The following STAG1 variants were observed in gnomAD, a reference collection of about 807,000 sequenced individuals.
The protein encoded by STAG1 is STAG1 cohesin complex component, also known as cohesin subunit SA-1.
Under a neutral mutation model 170.9 loss-of-function variants are expected in STAG1, and 26 were observed. The observed-to-expected ratio is 0.15, with a 90% CI of 0.11 to 0.21. The LOEUF (loss-of-function observed/expected upper bound fraction) is 0.21. Among genes scored for constraint, STAG1 ranks in the 10% least tolerant of loss-of-function variants. STAG1 has a pLI of 1.00. For synonymous variants in STAG1, 514 were observed against 497.7 expected (o/e 1.03, Z -0.44); for missense variants, 964 against 1,509.5 (o/e 0.64, Z 5.99).
intron 1 of STAG1, among the ~76,000 whole-genome samples, chr3:136,657,836 C>T (rs189843265): frequency 1.2e-4 from 18 of 151,928 alleles, no homozygotes; most frequent in African/African-American, 4.3e-4. Flanking sequence ...AACAAACAAA[C>T]AAAAAAGGCT....
At chr3:136,405,173 T>C (rs776424822) in intron 21 of STAG1, among the ~76,000 whole-genome samples, 1 of 149,178 alleles carries the variant, frequency 6.7e-6, no homozygotes, top group Non-Finnish European at 1.5e-5. Context: ...AAATAATCAA[T>C]ATGGCTTTCC....
At chr3:136,644,330 A>G (rs1007916146) in intron 1 of STAG1, among the ~76,000 whole-genome samples, 7 of 152,224 alleles carry the variant, frequency 4.6e-5, no homozygotes, top group South Asian at 2.1e-4. Flanking sequence ...GTGAAGTATA[A>G]AAGTATCAGA....
intron 1 of STAG1, among the ~76,000 whole-genome samples, chr3:136,731,582 G>C (rs866697990): frequency 1.3e-5 from 2 of 152,200 alleles, no homozygotes; most frequent in African/African-American, 4.8e-5. Context: ...AGCCTATCAA[G>C]TAAAGATTTC....
chr3:136,367,251 TTTAG>T (rs1490411950), intron 24 of STAG1, among the ~76,000 whole-genome samples, 169 bp from the exon 25 acceptor site: 1 of 152,176 alleles, frequency 6.6e-6, no homozygotes, highest in Non-Finnish European at 1.5e-5. Context: ...GGGTGCTGTA[TTTAG>T]TTACTCATTT....
At chr3:136,718,279 T>A (rs1399265317) in intron 1 of STAG1, among the ~76,000 whole-genome samples, 1 of 152,080 alleles carries the variant, frequency 6.6e-6, no homozygotes, top group Non-Finnish European at 1.5e-5. Flanking sequence ...CTGGAATGAG[T>A]GAATTTTGAA....
chr3:136,540,951 CTTTA>C (rs796601706), intron 6 of STAG1, among the ~76,000 whole-genome samples: 18 of 147,406 alleles, frequency 1.2e-4, no homozygotes, highest in African/African-American at 3.7e-4. Context: ...TTCACAGTGT[CTTTA>C]TTTCTGTTTT....
At chr3:136,715,162 G>T (rs1159097000) in intron 1 of STAG1, among the ~76,000 whole-genome samples, 1 of 113,664 alleles carries the variant, frequency 8.8e-6, no homozygotes, top group Non-Finnish European at 1.7e-5. Context: ...TGTATGTGGG[G>T]TTTTTTAACT....
At chr3:136,485,608 A>C (rs1231202568) in intron 9 of STAG1, among the ~76,000 whole-genome samples, 2 of 152,238 alleles carry the variant, frequency 1.3e-5, no homozygotes, top group Non-Finnish European at 2.9e-5. Flanking sequence ...GAATAACTGC[A>C]TATATCCACT....
chr3:136,435,109 T>A (rs533994387), intron 15 of STAG1, among the ~76,000 whole-genome samples: 2 of 152,362 alleles, frequency 1.3e-5, no homozygotes, highest in Admixed American at 1.3e-4. Flanking sequence ...TAACTTAATA[T>A]GTAACTTAAT....
At chr3:136,717,691 T>C (rs573141430) in intron 1 of STAG1, among the ~76,000 whole-genome samples, 12 of 152,144 alleles carry the variant, frequency 7.9e-5, no homozygotes, top group South Asian at 2.1e-4. Context: ...CGGAAAAAAA[T>C]TGTAGTTTTC....
chr3:136,478,146 A>C (rs760813716), intron 9 of STAG1, among the ~76,000 whole-genome samples: 10 of 152,282 alleles, frequency 6.6e-5, no homozygotes, highest in Non-Finnish European at 1.2e-4. Context: ...GAAAAAGCCC[A>C]CTTTATTCAA....
At chr3:136,403,456 T>C (rs112492542) in intron 21 of STAG1, among the ~76,000 whole-genome samples, 177 of 152,008 alleles carry the variant, frequency 1.2e-3, no homozygotes, top group African/African-American at 2.5e-3. Context: ...CTAAAAAAAT[T>C]ACCCTAATAC....
intron 21 of STAG1, among the ~76,000 whole-genome samples, chr3:136,407,883 A>G (rs1053074457): frequency 4.0e-5 from 6 of 151,252 alleles, no homozygotes; most frequent in African/African-American, 9.7e-5. Flanking sequence ...GCGACAGAGC[A>G]AGACTCTGTC....
chr3:136,478,085 C>T lies in STAG1; in HGVS notation c.903-673G>A, dbSNP rs541774739. 4.6e-5 allele frequency among the ~76,000 whole-genome samples: 7 copies of T among 152,174 alleles called. No homozygotes were observed. In the East Asian group the frequency reaches 7.7e-4, roughly 17 times the overall value. On this transcript the variant is annotated intron_variant, in intron 9 of 33. Transcript: ENST00000383202. Reference sequence around the variant, plus strand: ...GATTACACGCGTGAGCCACTGTGACCGGCCAGAACTGGGAATCTTTATAAG... The same window carrying T: ...GATTACACGCGTGAGCCACTGTGACTGGCCAGAACTGGGAATCTTTATAAG...
At position 136,534,887 on chromosome 3, in the gene STAG1, C is replaced by T. The variant is rs189940302; in HGVS notation, c.471+7232G>A. ...GAACTACCATATGATCCAGCAATCCCACTACTACGTATTTATCCAAAGGAA... is the reference window on the plus strand; with the variant it reads ...GAACTACCATATGATCCAGCAATCCTACTACTACGTATTTATCCAAAGGAA... On this transcript the variant is annotated intron_variant, in intron 6 of 33. Coordinates refer to ENST00000383202, the MANE Select transcript of STAG1 (RefSeq NM_005862.3). Among the ~76,000 whole-genome samples the T allele has an allele frequency of 7.0e-3, 1,069 of 152,266 alleles. 15 individuals carry two copies. Among genetic ancestry groups the T allele is most frequent in the African/African-American group, 0.024 (987 of 41,550 alleles).
intron 14 of STAG1, among the ~76,000 whole-genome samples, chr3:136,446,398 T>C (rs1417069152): frequency 2.0e-5 from 3 of 152,064 alleles, no homozygotes; most frequent in African/African-American, 7.2e-5. Flanking sequence ...TCCTTTGATT[T>C]GGTTCTTTCC....
At chr3:136,353,091 G>A (rs935186849) in intron 28 of STAG1, among the ~76,000 whole-genome samples, 1 of 152,120 alleles carries the variant, frequency 6.6e-6, no homozygotes, top group Non-Finnish European at 1.5e-5. Context: ...TACTATAGTG[G>A]CTTGACAGTA....
At chr3:136,602,769 T>G (rs1225386598) in intron 4 of STAG1, among the ~76,000 whole-genome samples, 1 of 151,990 alleles carries the variant, frequency 6.6e-6, no homozygotes, top group South Asian at 2.1e-4. Flanking sequence ...AAGAATCCCT[T>G]GAACCCGGGA....
chr3:136,580,312 TAAA>T (rs1395375981), intron 4 of STAG1, among the ~76,000 whole-genome samples: 1 of 150,686 alleles, frequency 6.6e-6, no homozygotes, highest in Non-Finnish European at 1.5e-5. Context: ...TAGATAAAAA[TAAA>T]AAAGAAGAAA....
Sources: gnomAD v4.1 joint callset for allele counts (sites outside exome capture counted in the v4.1 genomes callset) on GRCh38, gnomAD v4.1.1 for gene constraint, MANE v1.5 for transcripts, NCBI Gene and HGNC (gene_info 2026-07-23, HGNC 2026-07-21) for gene names.